The following SNTG1 variants were observed in gnomAD, a reference collection of about 807,000 sequenced individuals.
The protein encoded by SNTG1 is gamma-1-syntrophin.
In SNTG1, 39 loss-of-function variants were observed where a neutral mutation model predicts 74.7. The observed-to-expected ratio is 0.52, with a 90% CI of 0.40 to 0.68. The LOEUF (loss-of-function observed/expected upper bound fraction) is 0.68, where lower values mean the gene tolerates loss of function less well. Among genes scored for constraint, SNTG1 ranks in the 30% least tolerant of loss-of-function variants. The pLI, the probability that SNTG1 is intolerant of heterozygous loss-of-function variation, is 0.00. For synonymous variants in SNTG1, 254 were observed against 217.1 expected, an observed-to-expected ratio of 1.17 and a Z score of -1.49; for missense variants, 685 against 609.5, an observed-to-expected ratio of 1.12 and a Z score of -1.30.
intron 1 of SNTG1, chr8:50,164,092 C>CTTTTTTTTTT (rs3086088): frequency 2.9e-4 from 21 of 71,988 alleles, no homozygotes; most frequent in South Asian, 6.1e-4. Context: ...GACACAATTT[C>CTTTTTTTTTT]TTTTTTTTTT....
intron 17 of SNTG1, among the ~76,000 whole-genome samples, chr8:50,733,309 C>T (rs1177111265): frequency 6.6e-6 from 1 of 151,848 alleles, no homozygotes; most frequent in Non-Finnish European, 1.5e-5. Flanking sequence ...ATAGGTACCA[C>T]ATTTTTTTTT....
At chr8:50,535,882 G>C (rs1236683991) in intron 10 of SNTG1, among the ~76,000 whole-genome samples, 1 of 152,122 alleles carries the variant, frequency 6.6e-6, no homozygotes, top group African/African-American at 2.4e-5. Flanking sequence ...GTCAAATTGA[G>C]CTTACAACCC....
At chr8:49,942,151 C>A (rs966151367) in intron 1 of SNTG1, among the ~76,000 whole-genome samples, 2 of 152,026 alleles carry the variant, frequency 1.3e-5, no homozygotes, top group East Asian at 1.9e-4. Flanking sequence ...TAAACCTTGC[C>A]CACAAAATCT....
At chr8:49,947,420 T>C (rs1000789431) in intron 1 of SNTG1, among the ~76,000 whole-genome samples, 1 of 152,220 alleles carries the variant, frequency 6.6e-6, no homozygotes, top group African/African-American at 2.4e-5. Flanking sequence ...TCCTGGTGAA[T>C]ACATTCTTTT....
chr8:50,289,756 T>G (rs1047712202), intron 2 of SNTG1, among the ~76,000 whole-genome samples: 2 of 152,088 alleles, frequency 1.3e-5, no homozygotes, highest in Non-Finnish European at 2.9e-5. Flanking sequence ...AGTTTTGAAA[T>G]GAATATTGAA....
At chr8:50,780,723 A>T (rs2095656708) in intron 18 of SNTG1, among the ~76,000 whole-genome samples, 1 of 151,770 alleles carries the variant, frequency 6.6e-6, no homozygotes, top group African/African-American at 2.4e-5. Flanking sequence ...CTCTGATTTT[A>T]GTTATTTCTT....
chr8:50,326,372 T>A (rs1658137135), intron 2 of SNTG1, among the ~76,000 whole-genome samples: 1 of 152,052 alleles, frequency 6.6e-6, no homozygotes, highest in Non-Finnish European at 1.5e-5. Context: ...CTTTTATAGA[T>A]ATAGGACTAT....
intron 1 of SNTG1, among the ~76,000 whole-genome samples, chr8:49,972,564 T>A (rs1811793088): frequency 1.3e-5 from 2 of 151,854 alleles, no homozygotes; most frequent in African/African-American, 4.8e-5. Flanking sequence ...GAAACTACCA[T>A]CAGAGTGAAC....
chr8:50,055,804 T>G (rs1467097022), intron 1 of SNTG1, among the ~76,000 whole-genome samples: 22 of 152,148 alleles, frequency 1.4e-4, no homozygotes, highest in Non-Finnish European at 2.6e-4. Flanking sequence ...TCATTTGCAT[T>G]ACTTCTAAGC....
chr8:50,394,431 C>T (rs1317000928), intron 3 of SNTG1, among the ~76,000 whole-genome samples, 166 bp downstream of exon 3: 1 of 152,186 alleles, frequency 6.6e-6, no homozygotes, highest in Non-Finnish European at 1.5e-5. Context: ...AGATAGAAAA[C>T]CTAACTGTGC....
chr8:49,998,457 A>G (rs1179852549), intron 1 of SNTG1, among the ~76,000 whole-genome samples: 1 of 152,154 alleles, frequency 6.6e-6, no homozygotes, highest in East Asian at 1.9e-4. Flanking sequence ...TGACTCTGTA[A>G]GAACAAAGCT....
intron 13 of SNTG1, among the ~76,000 whole-genome samples, chr8:50,632,399 C>T (rs904416626): frequency 1.3e-4 from 19 of 151,754 alleles, no homozygotes; most frequent in South Asian, 4.1e-4. Context: ...CAACCTCTGC[C>T]TCCTGGGTTT....
chr8:49,926,251 A>G (rs949221816), intron 1 of SNTG1, among the ~76,000 whole-genome samples: 1 of 152,142 alleles, frequency 6.6e-6, no homozygotes, highest in African/African-American at 2.4e-5. Context: ...ATAATTACCC[A>G]TATGTTCTAT....
At chr8:50,131,557 C>G (rs931151096) in intron 1 of SNTG1, among the ~76,000 whole-genome samples, 17 of 152,078 alleles carry the variant, frequency 1.1e-4, no homozygotes, top group Admixed American at 2.0e-4. Context: ...CACACACACA[C>G]AGACATTTTC....
intron 15 of SNTG1, among the ~76,000 whole-genome samples, chr8:50,687,451 A>T (rs1010186639): frequency 1.1e-4 from 16 of 152,246 alleles, no homozygotes; most frequent in Admixed American, 8.5e-4. Flanking sequence ...AAGACATTTC[A>T]TGCAAATAGA....
At chr8:50,682,112 C>T (rs2095333380) in intron 15 of SNTG1, among the ~76,000 whole-genome samples, 1 of 152,082 alleles carries the variant, frequency 6.6e-6, no homozygotes, top group African/African-American at 2.4e-5. Context: ...TTAATTTTCT[C>T]GGCAAGACAA....
chr8:50,573,795 C>A (rs766270665), intron 12 of SNTG1, among the ~76,000 whole-genome samples: 1 of 151,798 alleles, frequency 6.6e-6, no homozygotes, highest in Non-Finnish European at 1.5e-5. Context: ...GAAAAAGTTT[C>A]TATTTAATTT....
chr8:50,518,968 T>A (rs1266527349), intron 9 of SNTG1, among the ~76,000 whole-genome samples: 1 of 151,996 alleles, frequency 6.6e-6, no homozygotes, highest in Non-Finnish European at 1.5e-5. Flanking sequence ...GCCATTATCA[T>A]CCTAATACTA....
chr8:50,709,318 A>G (rs1208659585), intron 17 of SNTG1: 9 of 322,690 alleles, frequency 2.8e-5, no homozygotes, highest in Non-Finnish European at 5.6e-6. Context: ...TTTAAAAAAC[A>G]TGTTTCTTTA....
Sources: allele counts gnomAD v4.1 joint callset (sites outside exome capture counted in the v4.1 genomes callset), GRCh38; gene constraint gnomAD v4.1.1; transcripts MANE v1.5; gene names NCBI Gene and HGNC (gene_info 2026-07-23, HGNC 2026-07-21).